The following TAFA2 variants were observed in gnomAD, a reference collection of about 807,000 sequenced individuals.
The protein encoded by TAFA2 is chemokine-like protein TAFA-2.
A neutral mutation model predicts 18.8 loss-of-function variants in TAFA2; 7 were observed. The ratio of observed to expected loss-of-function variants is 0.37; its 90% CI spans 0.21 to 0.70. TAFA2 has a LOEUF of 0.70. Ranked by LOEUF, TAFA2 falls within the 30% of genes least tolerant of loss-of-function variation. TAFA2 has a pLI of 0.53. For missense variants in TAFA2, 122 were observed against 158.1 expected (o/e 0.77, Z 1.23); for synonymous variants, 60 against 54.2 (o/e 1.11, Z -0.47).
intron 1 of TAFA2, among the ~76,000 whole-genome samples, chr12:61,915,927 A>T (rs748524444): frequency 6.6e-6 from 1 of 152,172 alleles, no homozygotes; most frequent in Non-Finnish European, 1.5e-5. Context: ...CCCAGAAACA[A>T]TGTTTTACCA....
chr12:62,080,998 TTCTG>T (rs1868313671), intron 1 of TAFA2, among the ~76,000 whole-genome samples: 1 of 152,090 alleles, frequency 6.6e-6, no homozygotes, highest in South Asian at 2.1e-4. Flanking sequence ...ATCGAGACCA[TTCTG>T]CCTGACACGG....
chr12:62,034,223 T>C (rs975826969), intron 1 of TAFA2, among the ~76,000 whole-genome samples: 7 of 152,110 alleles, frequency 4.6e-5, no homozygotes, highest in African/African-American at 1.4e-4. Flanking sequence ...TACCAAGCAA[T>C]GTCAGCAGAT....
At chr12:61,786,117 C>A (rs1310828506) in intron 2 of TAFA2, among the ~76,000 whole-genome samples, 1 of 151,518 alleles carries the variant, frequency 6.6e-6, no homozygotes, top group Non-Finnish European at 1.5e-5. Flanking sequence ...GAAACATCCA[C>A]AAAGATTAAA....
chr12:62,166,674 C>G (rs2062442623), intron 1 of TAFA2, among the ~76,000 whole-genome samples: 1 of 152,084 alleles, frequency 6.6e-6, no homozygotes, highest in Non-Finnish European at 1.5e-5. Context: ...GGGGATTGTC[C>G]CAGTGATCCC....
At chr12:61,921,241 G>A (rs1203474416) in intron 1 of TAFA2, among the ~76,000 whole-genome samples, 1 of 152,158 alleles carries the variant, frequency 6.6e-6, no homozygotes, top group Non-Finnish European at 1.5e-5. Context: ...ATTCTGTGGG[G>A]TAGGAAGAGT....
chr12:62,236,336 C>A (rs975702602), intron 1 of TAFA2, among the ~76,000 whole-genome samples: 1 of 151,142 alleles, frequency 6.6e-6, no homozygotes, highest in African/African-American at 2.4e-5. Flanking sequence ...GCAATCTCGG[C>A]TCACTGCAAG....
chr12:62,012,135 G>T (rs1397468263), intron 1 of TAFA2, among the ~76,000 whole-genome samples: 1 of 152,138 alleles, frequency 6.6e-6, no homozygotes, highest in African/African-American at 2.4e-5. Context: ...GTCACATTCA[G>T]TGGAGATTAA....
At chr12:61,871,964 C>T (rs973244781) in intron 1 of TAFA2, among the ~76,000 whole-genome samples, 5 of 152,012 alleles carry the variant, frequency 3.3e-5, no homozygotes, top group African/African-American at 9.7e-5. Context: ...TGGTGGCGGG[C>T]GCCTGTAGTC....
Position 62,017,610 on chromosome 12 carries a change from G to T in TAFA2, c.-1-150184C>A, listed in dbSNP as rs1592552111. Among the ~76,000 whole-genome samples the T allele has an allele frequency of 2.0e-5, 3 of 152,170 alleles. No individual in the cohort carries two copies. The East Asian group carries it at 5.8e-4, about 29-fold the overall frequency. On this transcript the variant is annotated intron_variant, in intron 1 of 4. Transcript: ENST00000416284. ...ATATTTTTATTCTGGAGTGTATTTT[G>T]TTATATTCTCCACCACTGTTTTGAA... is the stretch of plus-strand genomic sequence containing the variant.
intron 1 of TAFA2, among the ~76,000 whole-genome samples, chr12:61,951,805 C>T (rs966883136): frequency 6.6e-6 from 1 of 151,928 alleles, no homozygotes; most frequent in Non-Finnish European, 1.5e-5. Context: ...AAATTAATCA[C>T]TGTGCACACC....
At chr12:62,223,580 T>A (rs964509074) in intron 1 of TAFA2, among the ~76,000 whole-genome samples, 2 of 151,928 alleles carry the variant, frequency 1.3e-5, no homozygotes, top group Middle Eastern at 3.4e-3. Flanking sequence ...CATACAAAAA[T>A]CAACTCAAAA....
At chr12:62,249,051 T>A (rs55651345) in intron 1 of TAFA2, among the ~76,000 whole-genome samples, 6 of 152,116 alleles carry the variant, frequency 3.9e-5, no homozygotes, top group Non-Finnish European at 8.8e-5. Context: ...TGCCCCAGGG[T>A]AATTGTTTAA....
chr12:61,884,213 G>A (rs549517651), intron 1 of TAFA2, among the ~76,000 whole-genome samples: 2 of 152,226 alleles, frequency 1.3e-5, no homozygotes, highest in African/African-American at 4.8e-5. Flanking sequence ...TGAAACGATG[G>A]CGCTGACCCA....
chr12:62,078,870 T>C (rs1039749913), intron 1 of TAFA2, among the ~76,000 whole-genome samples: 1 of 152,230 alleles, frequency 6.6e-6, no homozygotes, highest in African/African-American at 2.4e-5. Flanking sequence ...TCATGAGCTA[T>C]GGCCTTCATA....
At chr12:62,189,767 A>G (rs2062609717) in intron 1 of TAFA2, among the ~76,000 whole-genome samples, 1 of 151,976 alleles carries the variant, frequency 6.6e-6, no homozygotes, top group Non-Finnish European at 1.5e-5. Context: ...AGGAGTGTTA[A>G]TTGACAACTC....
At chr12:61,885,909 C>T (rs997554014) in intron 1 of TAFA2, among the ~76,000 whole-genome samples, 2 of 152,096 alleles carry the variant, frequency 1.3e-5, no homozygotes, top group African/African-American at 4.8e-5. Flanking sequence ...TGATTCTCTT[C>T]TCCTTCCAGG....
intron 1 of TAFA2, among the ~76,000 whole-genome samples, chr12:62,031,572 T>C (rs911108832): frequency 6.6e-5 from 10 of 152,122 alleles, no homozygotes; most frequent in African/African-American, 2.4e-4. Context: ...ACTAATACAG[T>C]AAGAGCTGAG....
chr12:62,185,342 A>G (rs1329493302), intron 1 of TAFA2, among the ~76,000 whole-genome samples: 2 of 152,186 alleles, frequency 1.3e-5, no homozygotes, highest in East Asian at 3.9e-4. Flanking sequence ...CTTCACTGAA[A>G]TGTGGATCGT....
chr12:62,053,183 G>T (rs887816957), intron 1 of TAFA2, among the ~76,000 whole-genome samples: 4 of 152,126 alleles, frequency 2.6e-5, no homozygotes, highest in Non-Finnish European at 4.4e-5. Flanking sequence ...ATATAAAAAA[G>T]CAATCAGTAC....
Sources: gnomAD v4.1 joint callset for allele counts (sites outside exome capture counted in the v4.1 genomes callset) on GRCh38, gnomAD v4.1.1 for gene constraint, MANE v1.5 for transcripts, NCBI Gene and HGNC (gene_info 2026-07-23, HGNC 2026-07-21) for gene names.